Variants in TRAPPC9 observed in about 807,000 individuals in gnomAD.
TRAPPC9 encodes IKK2 binding protein.
Under a neutral mutation model 124.0 loss-of-function variants are expected in TRAPPC9, and 83 were observed. The observed-to-expected ratio is 0.67, with a 90% CI of 0.56 to 0.80. The LOEUF (loss-of-function observed/expected upper bound fraction) is 0.80, where lower values mean the gene tolerates loss of function less well. TRAPPC9 is among the 30% of genes least tolerant of loss of function. TRAPPC9 has a pLI of 0.00. For missense variants in TRAPPC9, 1,302 were observed against 1,508.3 expected, an observed-to-expected ratio of 0.86 and a Z score of 2.27; for synonymous variants, 638 against 617.5, an observed-to-expected ratio of 1.03 and a Z score of -0.49.
intron 21 of TRAPPC9, among the ~76,000 whole-genome samples, chr8:139,752,651 TCCA>T (rs1384701743): frequency 6.7e-6 from 1 of 149,128 alleles, no homozygotes; most frequent in Non-Finnish European, 1.5e-5. Context: ...CCATCCAAAA[TCCA>T]CCATTCCTCC....
intron 9 of TRAPPC9, among the ~76,000 whole-genome samples, chr8:140,345,214 C>A (rs914888127): frequency 6.6e-5 from 10 of 152,198 alleles, no homozygotes; most frequent in Non-Finnish European, 1.2e-4. Context: ...TTGAGGAGGT[C>A]CTCTGTGTGG....
rs186841440 is a variant in TRAPPC9 at position 139,736,579 on chromosome 8, G to C, written c.3056-4377C>G. Among the ~76,000 whole-genome samples, 13 of 152,328 alleles carry C rather than the reference G, an allele frequency of 8.5e-5. No homozygotes were observed. In the South Asian group the frequency reaches 1.7e-3, roughly 19 times the overall value. On this transcript the variant is annotated intron_variant, in intron 21 of 22. Coordinates refer to ENST00000438773, the MANE Select transcript of TRAPPC9 (RefSeq NM_001160372.4). ...AGAGCAGAGGTCTGTTTTTGTCCGA[G>C]AGCATTAAGCTTCCTGAATTCAAAA...
intron 15 of TRAPPC9, among the ~76,000 whole-genome samples, chr8:140,260,007 T>C (rs1322201427): frequency 6.6e-6 from 1 of 152,244 alleles, no homozygotes; most frequent in Non-Finnish European, 1.5e-5. Context: ...GACCTGCCTA[T>C]CTGCTCTTAT....
In TRAPPC9 at chr8:140,275,792, C is replaced by A; in HGVS notation, c.2144G>T (p.Gly715Val). Reference protein sequence around the residue: ...RSAHSLQPSSGDEISTNVSVQ... With the variant: ...RSAHSLQPSSVDEISTNVSVQ... Reference sequence around the variant, plus strand: ...AGATACATTAGTAGATATTTCATCACCAGAAGAAGGTTGCAATGAATGTGC... The same window carrying A: ...AGATACATTAGTAGATATTTCATCAACAGAAGAAGGTTGCAATGAATGTGC... The change falls in exon 15 of 23, where the codon GGT becomes GTT. Residue 715 changes from glycine to valine, a missense_variant. Gly to Val is a moderately radical substitution (Grantham distance 109). Coordinates refer to ENST00000438773, the MANE Select transcript of TRAPPC9 (RefSeq NM_001160372.4). 6.2e-7 allele frequency: 1 copy of A among 1,613,270 alleles called. No individual in the cohort carries two copies. The highest frequency in any genetic ancestry group is 1.1e-5 in the South Asian group (1 of 91,034).
chr8:140,188,741 T>C (rs1485893828), intron 17 of TRAPPC9, among the ~76,000 whole-genome samples: 1 of 152,212 alleles, frequency 6.6e-6, no homozygotes, highest in East Asian at 1.9e-4. Flanking sequence ...AACACCGATG[T>C]TCCCCAGGGA....
intron 17 of TRAPPC9, among the ~76,000 whole-genome samples, chr8:140,035,284 A>C (rs948385753): frequency 6.6e-6 from 1 of 152,206 alleles, no homozygotes; most frequent in Non-Finnish European, 1.5e-5. Flanking sequence ...GCTGATCTTC[A>C]ATATTAGAGA....
Position 139,978,786 on chromosome 8 carries a change from T to C in TRAPPC9, c.2810+9940A>G, listed in dbSNP as rs188392995. ...GGAAGTTGCCCAGGCCTGAGGCGGGTGTGGCTGGGATTCTCACTCCCCGCT... is the reference window on the plus strand; with the variant it reads ...GGAAGTTGCCCAGGCCTGAGGCGGGCGTGGCTGGGATTCTCACTCCCCGCT... On this transcript the variant is annotated intron_variant, in intron 19 of 22. Transcript: ENST00000438773. Among the ~76,000 whole-genome samples, 426 of 152,182 alleles carry C rather than the reference T, an allele frequency of 2.8e-3. 2 individuals are homozygous for C. Among genetic ancestry groups the C allele is most frequent in the African/African-American group, 1.0e-2 (415 of 41,510 alleles).
intron 21 of TRAPPC9, among the ~76,000 whole-genome samples, chr8:139,851,631 G>C (rs946350928): frequency 1.3e-5 from 2 of 152,200 alleles, no homozygotes; most frequent in Admixed American, 1.3e-4. Context: ...GGGAATCCTG[G>C]AGAGTGCCGG....
intron 17 of TRAPPC9, among the ~76,000 whole-genome samples, chr8:140,102,191 T>G (rs895253155): frequency 1.3e-5 from 2 of 152,200 alleles, no homozygotes; most frequent in Non-Finnish European, 2.9e-5. Context: ...GTATTTGGGG[T>G]TGTTGCTGTG....
intron 18 of TRAPPC9, among the ~76,000 whole-genome samples, chr8:140,015,906 C>G (rs11166944): frequency 0.77 from 117,566 of 151,830 alleles, 46,322 homozygotes; most frequent in African/African-American, 0.93. Context: ...CTACACCTTC[C>G]CCGGCTGCCC....
chr8:140,272,408 A>ATGGTGATGGTGATGG (rs1305196029), intron 15 of TRAPPC9, among the ~76,000 whole-genome samples: 2 of 106,116 alleles, frequency 1.9e-5, no homozygotes, highest in Non-Finnish European at 4.6e-5. Context: ...GATGGTGATA[A>ATGGTGATGGTGATGG]TGGTGATGGT....
intron 21 of TRAPPC9, among the ~76,000 whole-genome samples, chr8:139,785,414 T>C (rs886784132): frequency 6.6e-6 from 1 of 152,152 alleles, no homozygotes; most frequent in African/African-American, 2.4e-5. Context: ...AAAGAAAACC[T>C]TGGCCTGGCA....
chr8:140,283,357 C>T (rs867282545), intron 14 of TRAPPC9, among the ~76,000 whole-genome samples: 47 of 135,144 alleles, frequency 3.5e-4, no homozygotes, highest in Middle Eastern at 4.9e-3. Context: ...TGCAGTGGCG[C>T]GATCTCGGCT....
rs566202889 is a variant in TRAPPC9 at position 140,184,319 on chromosome 8, G to A, written c.2556+37140C>T. On this transcript the variant is annotated intron_variant, in intron 17 of 22. Coordinates refer to ENST00000438773, the MANE Select transcript of TRAPPC9 (RefSeq NM_001160372.4). ...ACACACAAGGAAAAAAAAAGAATTGGAAGAAAGTTCACCAAAAGTTGACAC... is the reference window on the plus strand; with the variant it reads ...ACACACAAGGAAAAAAAAAGAATTGAAAGAAAGTTCACCAAAAGTTGACAC... 2.0e-3 allele frequency among the ~76,000 whole-genome samples: 302 copies of A among 152,300 alleles called. 5 individuals are homozygous for A. Among genetic ancestry groups the A allele is most frequent in the Non-Finnish European group, 1.2e-4 (8 of 68,012 alleles).
rs1587425278 is a variant in TRAPPC9, at chr8:139,988,976, G to C, written c.2700-140C>G. ...AATGCCAAGTGCTCCTGGGCTCAGA[G>C]GATTACGGAGACTGGTTCTGAACAC... On this transcript the variant is annotated intron_variant, in intron 18 of 22. Coordinates refer to ENST00000438773, the MANE Select transcript of TRAPPC9 (RefSeq NM_001160372.4). 6 of 698,080 alleles carry C rather than the reference G, an allele frequency of 8.6e-6. No individual in the cohort carries two copies. In the East Asian group the frequency reaches 1.6e-4, roughly 19 times the overall value. 43.2% of individuals were successfully genotyped at this position (698,080 alleles called of 1,614,324 possible). A position where few individuals can be genotyped will look rare whatever the true frequency, so the allele number is the denominator to read the frequency against.
intron 21 of TRAPPC9, among the ~76,000 whole-genome samples, chr8:139,732,666 C>A (rs892454583): frequency 6.6e-6 from 1 of 152,342 alleles, no homozygotes; most frequent in African/African-American, 2.4e-5. Context: ...GACCACACAC[C>A]CCAGGAGGTG....
chr8:140,442,129 A>C (rs1464495730), intron 2 of TRAPPC9, among the ~76,000 whole-genome samples: 1 of 152,200 alleles, frequency 6.6e-6, no homozygotes. Context: ...AATTTCAAAA[A>C]TATTTTTCTA....
chr8:140,349,093 G>C (rs114960490), intron 9 of TRAPPC9, among the ~76,000 whole-genome samples: 2,744 of 136,642 alleles, frequency 0.02, 98 homozygotes, highest in African/African-American at 0.067. Context: ...GCGTGCGAGG[G>C]AAGGGCAAGC....
intron 21 of TRAPPC9, among the ~76,000 whole-genome samples, chr8:139,824,661 A>T (rs1285459800): frequency 6.6e-6 from 1 of 152,064 alleles, no homozygotes; most frequent in Non-Finnish European, 1.5e-5. Flanking sequence ...CCCAGGTTCA[A>T]GCGACTCTTG....
Sources: allele counts gnomAD v4.1 joint callset (sites outside exome capture counted in the v4.1 genomes callset), GRCh38; gene constraint gnomAD v4.1.1; transcripts MANE v1.5; gene names NCBI Gene and HGNC (gene_info 2026-07-23, HGNC 2026-07-21).